The following UNC80 variants were observed in gnomAD, a reference collection of about 807,000 sequenced individuals.
UNC80 encodes unc-80 subunit of NALCN channel complex.
In UNC80, 164 loss-of-function variants were observed where a neutral mutation model predicts 384.6. That is an observed-to-expected ratio of 0.43 (90% CI 0.38 to 0.49). UNC80 has a LOEUF of 0.49. UNC80 is among the 20% of genes least tolerant of loss of function. The pLI is 0.00. For synonymous variants in UNC80, 1,486 were observed against 1,527.8 expected, an observed-to-expected ratio of 0.97 and a Z score of 0.64; for missense variants, 3,330 against 4,143.0, an observed-to-expected ratio of 0.80 and a Z score of 5.39.
chr2:209,931,856 A>C (rs2090903572), intron 38 of UNC80, among the ~76,000 whole-genome samples: 1 of 152,198 alleles, frequency 6.6e-6, no homozygotes, highest in Non-Finnish European at 1.5e-5. Flanking sequence ...TCCAGATTTA[A>C]GTTCAGACCG....
chr2:209,936,161 T>C (rs930596521), intron 40 of UNC80, among the ~76,000 whole-genome samples: 3 of 152,116 alleles, frequency 2.0e-5, no homozygotes, highest in Admixed American at 1.3e-4. Flanking sequence ...CATTCAGACA[T>C]CTCCAGAGAA....
At chr2:209,913,699 C>A in intron 30 of UNC80, 103 bp from the exon 31 acceptor site, 1 of 1,264,400 alleles carries the variant, frequency 7.9e-7, no homozygotes, top group South Asian at 1.8e-5. Context: ...TTTAAGGTCA[C>A]TTAAGGCAAG....
intron 38 of UNC80, among the ~76,000 whole-genome samples, chr2:209,931,965 C>T (rs2090912307): frequency 6.6e-6 from 1 of 152,186 alleles, no homozygotes; most frequent in South Asian, 2.1e-4. Context: ...CTGCTTTTGT[C>T]TCTATAGCTA....
At chr2:209,870,399 A>G (rs549585425) in intron 22 of UNC80, among the ~76,000 whole-genome samples, 11 of 152,276 alleles carry the variant, frequency 7.2e-5, no homozygotes, top group South Asian at 4.1e-4. Flanking sequence ...GAAAGAATGT[A>G]GATATTTAGT....
chr2:209,956,530 T>G (rs967424987), intron 48 of UNC80, among the ~76,000 whole-genome samples: 3 of 152,176 alleles, frequency 2.0e-5, no homozygotes, highest in African/African-American at 7.2e-5. Context: ...GCTCCCCCTC[T>G]ACCTTCCAAC....
chr2:209,917,449 T>C (rs1286095498), intron 31 of UNC80, among the ~76,000 whole-genome samples: 1 of 152,226 alleles, frequency 6.6e-6, no homozygotes, highest in Non-Finnish European at 1.5e-5. Flanking sequence ...AAGAGATGAC[T>C]CTGGCTATCT....
intron 61 of UNC80, among the ~76,000 whole-genome samples, chr2:209,986,421 C>T (rs1365411867): frequency 6.6e-6 from 1 of 152,128 alleles, no homozygotes; most frequent in Non-Finnish European, 1.5e-5. Flanking sequence ...GTATTTGGCC[C>T]TCTCTGGTAG....
At chr2:209,824,334 C>G (rs111534547) in intron 13 of UNC80, among the ~76,000 whole-genome samples, 1,827 of 152,214 alleles carry the variant, frequency 0.012, 40 homozygotes, top group African/African-American at 0.04. Context: ...GTCTTCTCAG[C>G]ATTAACCTCT....
At chr2:209,909,370 A>G (rs1428206424) in intron 29 of UNC80, among the ~76,000 whole-genome samples, 1 of 152,256 alleles carries the variant, frequency 6.6e-6, no homozygotes, top group African/African-American at 2.4e-5. Context: ...GGACAGGAAA[A>G]GAAACAGCTA....
chr2:209,984,689 A>C (rs1390624155), intron 60 of UNC80, among the ~76,000 whole-genome samples, 167 bp from the exon 61 acceptor site: 4 of 152,160 alleles, frequency 2.6e-5, no homozygotes, highest in Non-Finnish European at 5.9e-5. Context: ...TGTCTTGACA[A>C]ACCCAGCACA....
rs1429957146 is a variant in UNC80 at position 209,997,156 on chromosome 2, A to G, written c.*1561A>G. ...AAATATAACTTGGGGTTATGGTCCT[A>G]TTCACTAAGAGAATGAAAGATATCC... On this transcript the variant is annotated 3_prime_UTR_variant, in exon 65 of 65. Transcript: ENST00000673920. 3 of 152,222 alleles carry G rather than the reference A, an allele frequency of 2.0e-5. No individual in the cohort carries two copies. Among genetic ancestry groups the G allele is most frequent in the Non-Finnish European group, 2.9e-5 (2 of 68,028 alleles). The allele number at this position is 152,222 out of a possible 1,614,324, so 9.4% of individuals were successfully genotyped here. A position where few individuals can be genotyped will look rare whatever the true frequency, so the allele number is the denominator to read the frequency against.
chr2:209,845,338 T>C (rs2082098213), intron 21 of UNC80: 1 of 152,222 alleles, frequency 6.6e-6, no homozygotes, highest in Admixed American at 6.5e-5. Flanking sequence ...ATTTTTCTCC[T>C]TGGTGGAAAA....
chr2:209,859,359 C>T (rs899498405), intron 22 of UNC80, among the ~76,000 whole-genome samples: 3 of 152,074 alleles, frequency 2.0e-5, no homozygotes, highest in Non-Finnish European at 4.4e-5. Context: ...CTGCAAAGGA[C>T]GTTATCTCAT....
intron 13 of UNC80, among the ~76,000 whole-genome samples, chr2:209,823,923 C>T (rs1240121100): frequency 6.6e-6 from 1 of 152,088 alleles, no homozygotes; most frequent in African/African-American, 2.4e-5. Flanking sequence ...TGAGCTCCAA[C>T]ATGAAGCCAC....
intron 10 of UNC80, 24 bp from the exon 11 acceptor site, chr2:209,817,788 G>C (rs770530785): frequency 6.4e-7 from 1 of 1,551,332 alleles, no homozygotes; most frequent in Non-Finnish European, 8.7e-7. Flanking sequence ...AAACCCTCTT[G>C]TGGGGTGCTC....
chr2:209,825,761 G>A, intron 13 of UNC80, 146 bp from the exon 14 acceptor site: 4 of 668,954 alleles, frequency 6.0e-6, no homozygotes, highest in Non-Finnish European at 8.8e-6. Flanking sequence ...CGTGTTTGTT[G>A]AGCCCGTTAC....
chr2:209,804,353 C>A (rs879416443), intron 7 of UNC80, among the ~76,000 whole-genome samples: 9 of 152,168 alleles, frequency 5.9e-5, no homozygotes, highest in Non-Finnish European at 1.3e-4. Flanking sequence ...TGGCTCCACC[C>A]TCTGGGCTAT....
intron 22 of UNC80, among the ~76,000 whole-genome samples, chr2:209,864,243 C>T (rs539894460): frequency 2.6e-5 from 4 of 152,098 alleles, no homozygotes; most frequent in Admixed American, 6.5e-5. Flanking sequence ...CCTCTGACCT[C>T]GAGGGGCACC....
chr2:209,833,102 C>T (rs1012649276), intron 16 of UNC80, among the ~76,000 whole-genome samples: 2 of 152,114 alleles, frequency 1.3e-5, no homozygotes, highest in Non-Finnish European at 2.9e-5. Context: ...GCCCTGCTTC[C>T]CACAGAACCC....
Sources: allele counts gnomAD v4.1 joint callset (sites outside exome capture counted in the v4.1 genomes callset), GRCh38; gene constraint gnomAD v4.1.1; transcripts MANE v1.5; gene names NCBI Gene and HGNC (gene_info 2026-07-23, HGNC 2026-07-21).